The following SV2C variants were observed in gnomAD, a reference collection of about 807,000 sequenced individuals.
SV2C encodes synaptic vesicle glycoprotein 2C, also known as solute carrier family 22 member B3.
A neutral mutation model predicts 79.7 loss-of-function variants in SV2C; 49 were observed. The observed-to-expected ratio is 0.61, with a 90% CI of 0.49 to 0.78. The LOEUF (loss-of-function observed/expected upper bound fraction) is 0.78, where lower values mean the gene tolerates loss of function less well. SV2C is among the 30% of genes least tolerant of loss of function. The probability of loss-of-function intolerance (pLI) is 0.00; values close to 1 mark genes in which losing one functional copy is unlikely to be tolerated. For synonymous variants in SV2C, 334 were observed against 333.2 expected (o/e 1.00, Z -0.03); for missense variants, 833 against 912.9 (o/e 0.91, Z 1.13).
At chr5:75,895,877 A>T in the SV2C span, among the ~76,000 whole-genome samples, 3 of 152,130 alleles carry the variant, frequency 2.0e-5, no homozygotes, top group South Asian at 2.1e-4. Context: ...GAAATTTTCC[A>T]CAAAAACATT....
chr5:75,979,246 A>G, the SV2C span, among the ~76,000 whole-genome samples: 2 of 152,106 alleles, frequency 1.3e-5, no homozygotes, highest in Admixed American at 6.6e-5. Flanking sequence ...GTTCTTAGAG[A>G]CCTTAAAGAG....
intron 2 of SV2C, among the ~76,000 whole-genome samples, chr5:76,185,554 A>C (rs1227833360): frequency 6.6e-6 from 1 of 152,214 alleles, no homozygotes; most frequent in Non-Finnish European, 1.5e-5. Context: ...GTGCATCCCC[A>C]GGCCCAACAC....
intron 5 of SV2C, 193 bp downstream of exon 5, chr5:76,285,488 A>T (rs1195100702): frequency 1.3e-6 from 1 of 742,840 alleles, no homozygotes; most frequent in Non-Finnish European, 2.1e-6. Context: ...ATGGCTAGAA[A>T]GCACTCATGT....
chr5:76,173,713 G>A (rs749345751), intron 2 of SV2C: 3 of 1,613,580 alleles, frequency 1.9e-6, no homozygotes, highest in East Asian at 4.5e-5. Flanking sequence ...GGTCATAAAA[G>A]ATCTCATTAA....
chr5:76,169,308 T>G (rs764366344), intron 2 of SV2C, among the ~76,000 whole-genome samples: 1 of 152,182 alleles, frequency 6.6e-6, no homozygotes, highest in East Asian at 1.9e-4. Flanking sequence ...GTCATTCCAA[T>G]TTACTGATGT....
intron 12 of SV2C, among the ~76,000 whole-genome samples, chr5:76,314,495 A>C (rs1748556823): frequency 6.6e-6 from 1 of 152,210 alleles, no homozygotes; most frequent in South Asian, 2.1e-4. Flanking sequence ...AGGTGCAGTC[A>C]CTGCCAGAAA....
chr5:76,256,761 G>A (rs1050727314), intron 4 of SV2C, among the ~76,000 whole-genome samples: 1 of 152,194 alleles, frequency 6.6e-6, no homozygotes, highest in Middle Eastern at 3.4e-3. Flanking sequence ...TCTGCCCCCC[G>A]CTTTAAAATG....
rs1250668055 is a variant in SV2C at position 76,328,498 on chromosome 5, C to A, written c.*2951C>A. The stretch of plus-strand genomic sequence containing the variant: ...CCCAGGTATTGGGTTTTAAGGCACC[C>A]AACTCACATTCAGTCCTGCTGCCTG... On this transcript the variant is annotated 3_prime_UTR_variant, in exon 13 of 13. Coordinates refer to ENST00000502798, the MANE Select transcript of SV2C (RefSeq NM_014979.4). 1.3e-5 allele frequency: 2 copies of A among 152,170 alleles called. No individual in the cohort carries two copies. Among genetic ancestry groups the A allele is most frequent in the African/African-American group, 2.4e-5 (1 of 41,420 alleles). The allele number at this position is 152,170 out of a possible 1,614,324, so 9.4% of individuals were successfully genotyped here.
chr5:76,039,712 T>C, the SV2C span, among the ~76,000 whole-genome samples: 4 of 143,530 alleles, frequency 2.8e-5, no homozygotes, highest in Non-Finnish European at 6.0e-5. Context: ...ACTAAGATCA[T>C]GCCATTGCAC....
chr5:75,961,662 A>T, the SV2C span, among the ~76,000 whole-genome samples: 3 of 151,944 alleles, frequency 2.0e-5, no homozygotes, highest in Non-Finnish European at 4.4e-5. Context: ...TAATATTTTT[A>T]AAAACCATTT....
chr5:75,982,658 G>A, the SV2C span, among the ~76,000 whole-genome samples: 1 of 152,174 alleles, frequency 6.6e-6, no homozygotes, highest in African/African-American at 2.4e-5. Flanking sequence ...AAAGACACAT[G>A]CACATGTATG....
At chr5:76,146,218 A>C (rs1226759499) in intron 2 of SV2C, among the ~76,000 whole-genome samples, 2 of 152,188 alleles carry the variant, frequency 1.3e-5, no homozygotes, top group Admixed American at 1.3e-4. Context: ...AAAGGTCCTG[A>C]TCCAGACCCC....
At chr5:76,122,100 G>T (rs1306172516) in intron 1 of SV2C, among the ~76,000 whole-genome samples, 1 of 151,392 alleles carries the variant, frequency 6.6e-6, no homozygotes, top group Non-Finnish European at 1.5e-5. Flanking sequence ...CTTGTAAGTT[G>T]GATTCCTAGG....
At chr5:76,197,731 T>TAGATAGATAGATAGATAGATAGAC (rs1744314554) in intron 3 of SV2C, among the ~76,000 whole-genome samples, 2 of 152,028 alleles carry the variant, frequency 1.3e-5, no homozygotes. Context: ...GATAGATAGA[T>TAGATAGATAGATAGATAGATAGAC]AGATATGAGA....
intron 4 of SV2C, among the ~76,000 whole-genome samples, chr5:76,271,470 C>T (rs1315086509): frequency 6.6e-6 from 1 of 152,132 alleles, no homozygotes; most frequent in Non-Finnish European, 1.5e-5. Flanking sequence ...CAAACTTGAC[C>T]TAATAGATGT....
the SV2C span, among the ~76,000 whole-genome samples, chr5:75,926,228 A>C: frequency 6.6e-6 from 1 of 151,934 alleles, no homozygotes; most frequent in East Asian, 1.9e-4. Flanking sequence ...CTGCTTACCC[A>C]AACTCTCATC....
At chr5:76,116,325 T>C (rs1431433143) in intron 1 of SV2C, among the ~76,000 whole-genome samples, 2 of 152,206 alleles carry the variant, frequency 1.3e-5, no homozygotes, top group Admixed American at 6.5e-5. Flanking sequence ...TCAGGGACTT[T>C]GTGTGTTTTG....
the SV2C span, among the ~76,000 whole-genome samples, chr5:76,014,169 G>GAAGAAAGAAAGA: frequency 3.6e-5 from 5 of 140,036 alleles, no homozygotes; most frequent in Non-Finnish European, 6.1e-5. Context: ...AGGAAGGAAG[G>GAAGAAAGAAAGA]AAGAAAGAAA....
chr5:76,131,495 C>T (rs1340885558), intron 1 of SV2C, among the ~76,000 whole-genome samples, 155 bp from the exon 2 acceptor site: 1 of 131,374 alleles, frequency 7.6e-6, no homozygotes, highest in African/African-American at 2.9e-5. Context: ...CTAGGGTGTA[C>T]ATGTATATAC....
Sources: allele counts gnomAD v4.1 joint callset (sites outside exome capture counted in the v4.1 genomes callset), GRCh38; gene constraint gnomAD v4.1.1; transcripts MANE v1.5; gene names NCBI Gene and HGNC (gene_info 2026-07-23, HGNC 2026-07-21).